SIRPG: variants seen among roughly 807,000 people sequenced by gnomAD.
SIRPG encodes the protein signal-regulatory protein gamma.
In SIRPG, 38 loss-of-function variants were observed where a neutral mutation model predicts 35.7. The ratio of observed to expected loss-of-function variants is 1.06; its 90% CI spans 0.82 to 1.40. The LOEUF (loss-of-function observed/expected upper bound fraction) is 1.40. SIRPG is among the 40% of genes most tolerant of loss of function. The probability of loss-of-function intolerance (pLI) is 0.00; values close to 1 mark genes in which losing one functional copy is unlikely to be tolerated. For missense variants in SIRPG, 519 were observed against 483.0 expected (o/e 1.07, Z -0.70); for synonymous variants, 215 against 190.4 (o/e 1.13, Z -1.06).
the SIRPG span, among the ~76,000 whole-genome samples, chr20:1,679,131 C>G: frequency 1.3e-5 from 2 of 152,096 alleles, no homozygotes; most frequent in Non-Finnish European, 2.9e-5. Flanking sequence ...AAAATGAGCA[C>G]CCACCACCAC....
Position 1,635,463 on chromosome 20 carries a change from TTC to T in SIRPG, c.883_884del (p.Glu295AsnfsTer25). 1 of 1,614,150 alleles carries T rather than the reference TTC, an allele frequency of 6.2e-7. No homozygotes were observed. The highest frequency in any genetic ancestry group is 1.3e-5 in the African/African-American group (1 of 75,030). The part of the protein sequence containing the change: ...WSENGNVCQR[E>X]TASTLTENKD... ...TGTTCTCTGTAAGGGTCGAGGCTGT[TTC>T]TCTCTGGCACACGTTTCCATTCTCC... On this transcript the variant is annotated frameshift_variant, in exon 4 of 6. Coordinates refer to ENST00000303415, the MANE Select transcript of SIRPG (RefSeq NM_018556.4). LOFTEE classifies it high-confidence loss of function.
At chr20:1,658,965 C>T (rs1343951513), upstream of SIRPG, among the ~76,000 whole-genome samples, 1 of 152,120 alleles carries the variant, frequency 6.6e-6, no homozygotes, top group African/African-American at 2.4e-5. Flanking sequence ...TTACAATTTC[C>T]AGCTGTGTGA....
chr20:1,676,418 G>A, the SIRPG span, among the ~76,000 whole-genome samples: 4 of 152,252 alleles, frequency 2.6e-5, no homozygotes, highest in African/African-American at 9.6e-5. Context: ...AAACAAATTT[G>A]ATATTTTCAT....
chr20:1,641,512 C>A (rs985539915), intron 2 of SIRPG, among the ~76,000 whole-genome samples: 2 of 151,750 alleles, frequency 1.3e-5, no homozygotes, highest in Admixed American at 1.3e-4. Context: ...CTTTATTAGT[C>A]TAGCTAGTGG....
At chr20:1,655,860 A>C (rs940908970) in intron 1 of SIRPG, among the ~76,000 whole-genome samples, 10 of 152,128 alleles carry the variant, frequency 6.6e-5, no homozygotes, top group African/African-American at 2.2e-4. Flanking sequence ...AAGAGAACCA[A>C]TGATTAAAAA....
chr20:1,654,533 A>G (rs1474964520), intron 1 of SIRPG, among the ~76,000 whole-genome samples: 1 of 152,230 alleles, frequency 6.6e-6, no homozygotes, highest in African/African-American at 2.4e-5. Context: ...TGCCTCATAC[A>G]AAAATCAACT....
the SIRPG span, among the ~76,000 whole-genome samples, chr20:1,668,231 CTTTCTTTCTTTCTTTCTTTTTCTT>C: frequency 2.0e-5 from 1 of 50,272 alleles, no homozygotes; most frequent in Non-Finnish European, 4.6e-5. Flanking sequence ...TTCTTTCTTT[CTTTCTTTCTTTCTTTCTTTTTCTT>C]TTTCTTTTTC....
chr20:1,661,531 G>C (rs1020001626), upstream of SIRPG, among the ~76,000 whole-genome samples: 1 of 152,190 alleles, frequency 6.6e-6, no homozygotes, highest in Non-Finnish European at 1.5e-5. Context: ...GTGAGTCCTG[G>C]TAGCAGAGGA....
intron 4 of SIRPG, among the ~76,000 whole-genome samples, chr20:1,632,890 A>G (rs539919098): frequency 6.6e-6 from 1 of 152,132 alleles, no homozygotes; most frequent in East Asian, 1.9e-4. Flanking sequence ...ACAGGAATTA[A>G]TAAAAAGAAG....
At chr20:1,673,604 C>A in the SIRPG span, among the ~76,000 whole-genome samples, 6 of 151,756 alleles carry the variant, frequency 4.0e-5, no homozygotes, top group Non-Finnish European at 8.8e-5. Flanking sequence ...CTGCTCCCTG[C>A]GGCTCATGAC....
At chr20:1,632,658 A>C (rs1262144698) in intron 4 of SIRPG, among the ~76,000 whole-genome samples, 1 of 152,056 alleles carries the variant, frequency 6.6e-6, no homozygotes, top group Non-Finnish European at 1.5e-5. Flanking sequence ...GGAATAGGAG[A>C]AATTCCAAGG....
chr20:1,669,170 AG>A, the SIRPG span, among the ~76,000 whole-genome samples: 1 of 152,238 alleles, frequency 6.6e-6, no homozygotes, highest in Non-Finnish European at 1.5e-5. Context: ...TTTGCCGTAC[AG>A]GCTGATAGTG....
At chr20:1,673,415 C>G in the SIRPG span, among the ~76,000 whole-genome samples, 1 of 152,072 alleles carries the variant, frequency 6.6e-6, no homozygotes, top group African/African-American at 2.4e-5. Context: ...CAAACCCCAC[C>G]CTGGTAAGAT....
the SIRPG span, among the ~76,000 whole-genome samples, chr20:1,667,636 A>G: frequency 2.0e-5 from 3 of 152,320 alleles, no homozygotes; most frequent in African/African-American, 7.2e-5. Flanking sequence ...GGGAGTCTTC[A>G]ATGATTATTC....
At position 1,649,241 on chromosome 20, in the gene SIRPG, T is replaced by G. The variant is rs1195538425; in HGVS notation, c.241A>C (p.Lys81Gln). ...GTTACCCTGGGGAAGTGGCCTTCTT[T>G]TTGATTGTAGATTAATTCCCGGCCT... Reference protein sequence around the residue: ...GPGRELIYNQKEGHFPRVTTV... With the variant: ...GPGRELIYNQQEGHFPRVTTV... The change falls in exon 2 of 6, where the codon AAA becomes CAA. Residue 81 changes from lysine to glutamine, a missense_variant. Transcript: ENST00000303415. 6.2e-7 allele frequency: 1 copy of G among 1,613,992 alleles called. No homozygotes were observed. The highest frequency in any genetic ancestry group is 8.5e-7 in the Non-Finnish European group (1 of 1,180,032).
the SIRPG span, among the ~76,000 whole-genome samples, chr20:1,668,211 C>CTTTTCT: frequency 3.7e-5 from 1 of 27,298 alleles, no homozygotes; most frequent in African/African-American, 9.5e-5. Context: ...TTCTTTCTTT[C>CTTTTCT]TTTCTTTCTT....
chr20:1,629,541 G>A lies in SIRPG; in HGVS notation c.*98C>T, dbSNP rs1469301666. The A allele has an allele frequency of 6.6e-6, 1 of 152,292 alleles. No individual in the cohort carries two copies. Among genetic ancestry groups the A allele is most frequent in the Non-Finnish European group, 1.5e-5 (1 of 68,118 alleles). The allele number at this position is 152,292 out of a possible 1,614,324, so 9.4% of individuals were successfully genotyped here. A position where few individuals can be genotyped will look rare whatever the true frequency, so the allele number is the denominator to read the frequency against. On this transcript the variant is annotated 3_prime_UTR_variant, in exon 6 of 6. Coordinates refer to ENST00000303415, the MANE Select transcript of SIRPG (RefSeq NM_018556.4). ...GATGTTTGGAGCCAAGTCTAGAGAAGCTTCTCACTGGCTCATTCTCTCAAG... is the reference window on the plus strand; with the variant it reads ...GATGTTTGGAGCCAAGTCTAGAGAAACTTCTCACTGGCTCATTCTCTCAAG...
At chr20:1,652,763 TA>T (rs555997510) in intron 1 of SIRPG, among the ~76,000 whole-genome samples, 52 of 152,248 alleles carry the variant, frequency 3.4e-4, no homozygotes, top group Admixed American at 1.2e-3. Context: ...TGTCAAAAAT[TA>T]ATTTTTTCAT....
chr20:1,673,833 G>A, the SIRPG span, among the ~76,000 whole-genome samples: 7 of 152,212 alleles, frequency 4.6e-5, no homozygotes, highest in Non-Finnish European at 1.0e-4. Flanking sequence ...GAGGCAGGGA[G>A]GCTCCTGGGG....
Sources: gnomAD v4.1 joint callset for allele counts (sites outside exome capture counted in the v4.1 genomes callset) on GRCh38, gnomAD v4.1.1 for gene constraint, MANE v1.5 for transcripts, NCBI Gene and HGNC (gene_info 2026-07-23, HGNC 2026-07-21) for gene names.